Variants in TUBA8 observed in about 807,000 individuals in gnomAD.
TUBA8 encodes the protein tubulin alpha-8 chain.
A neutral mutation model predicts 34.7 loss-of-function variants in TUBA8; 29 were observed. The observed-to-expected ratio is 0.84, with a 90% confidence interval of 0.62 to 1.14. TUBA8 has a LOEUF of 1.14. Among genes scored for constraint, TUBA8 ranks in the 50% most tolerant of loss-of-function variants. The pLI is 0.00. For synonymous variants in TUBA8, 226 were observed against 231.2 expected, an observed-to-expected ratio of 0.98 and a Z score of 0.21; for missense variants, 541 against 599.2, an observed-to-expected ratio of 0.90 and a Z score of 1.01.
chr22:18,129,692 A>G (rs1031494721), intron 4 of TUBA8: 3 of 152,182 alleles, frequency 2.0e-5, no homozygotes, highest in Non-Finnish European at 2.9e-5. Context: ...ATGTTGCCAC[A>G]CAGCTGGCTG....
rs1426557822 is a variant in TUBA8 at position 18,131,219 on chromosome 22, C to A, written c.*83C>A. 6.8e-7 allele frequency: 1 copy of A among 1,462,880 alleles called. No homozygotes were observed. Among genetic ancestry groups the A allele is most frequent in the Non-Finnish European group, 9.5e-7 (1 of 1,054,142 alleles). 90.6% of individuals were successfully genotyped at this position (1,462,880 alleles called of 1,614,324 possible). A position where few individuals can be genotyped will look rare whatever the true frequency, so the allele number is the denominator to read the frequency against. On this transcript the variant is annotated 3_prime_UTR_variant, in exon 5 of 5. Transcript: ENST00000330423. The surrounding 1 kb of genome is among the most constrained non-coding windows in gnomAD (Gnocchi z 5.3). ...TGTTCAAGAGAACAGAACACTCTCC[C>A]CGCCCCAGCCTGATTCCTGCCTTAC...
Position 18,130,866 on chromosome 22 carries a change from G to A in TUBA8, c.1080G>A (p.Pro360=), listed in dbSNP as rs145407514. ...GFKVGINYQP[P]TVVPGGDLAK... ...AGGTGGGCATCAACTACCAGCCCCC[G>A]ACCGTGGTCCCCGGGGGAGACCTGG... Residue 360 remains proline, a synonymous_variant, in exon 5 of 5, where the codon CCG becomes CCA. Coordinates refer to ENST00000330423, the MANE Select transcript of TUBA8 (RefSeq NM_018943.3). 1.2e-3 allele frequency: 1,867 copies of A among 1,613,854 alleles called. 6 individuals are homozygous for A. Among genetic ancestry groups the A allele is most frequent in the Non-Finnish European group, 1.1e-3 (1,300 of 1,179,986 alleles).
chr22:18,123,814 A>C (rs1569199942), intron 2 of TUBA8: 1 of 337,216 alleles, frequency 3.0e-6, no homozygotes, highest in African/African-American at 2.1e-5. Flanking sequence ...AGCTCAGGCA[A>C]TCTGCCCGCC....
At position 18,127,025 on chromosome 22, in the gene TUBA8, A is replaced by G; in HGVS notation, c.1047A>G (p.Thr349=). The G allele has an allele frequency of 6.2e-7, 1 of 1,614,164 alleles. No homozygotes were observed. The highest frequency in any genetic ancestry group is 8.5e-7 in the Non-Finnish European group (1 of 1,180,036). The change falls in exon 4 of 5, where the codon ACA becomes ACG. Residue 349 remains threonine, a synonymous_variant. Coordinates refer to ENST00000330423, the MANE Select transcript of TUBA8 (RefSeq NM_018943.3). ...RTIQFVDWCP[T]GFKVGINYQP... is the part of the protein sequence containing the mutation. ...TCCAGTTTGTAGACTGGTGTCCCAC[A>G]GGCTTCAAGGTGAGAGCTGATGACT...
intron 1 of TUBA8, chr22:18,115,256 C>A (rs1927932724): frequency 6.6e-6 from 1 of 152,436 alleles, no homozygotes; most frequent in Admixed American, 6.5e-5. Flanking sequence ...TCCACCTGAA[C>A]TGCCCCAGAT....
intron 4 of TUBA8, 23 bp from the exon 5 acceptor site, chr22:18,130,820 C>T: frequency 6.2e-7 from 1 of 1,613,164 alleles, no homozygotes; most frequent in East Asian, 2.2e-5. Context: ...TTCTGTGGCT[C>T]CTCCTCTTTC....
chr22:18,126,966 G>A lies in TUBA8; in HGVS notation c.988G>A (p.Val330Ile). ...CGACGTGGTGCCCAAGGATGTGAAT[G>A]TCGCTATTGCTGCCATCAAGACCAA... The part of the protein sequence containing the change: ...RGDVVPKDVN[V>I]AIAAIKTKRT... Residue 330 changes from valine to isoleucine, a missense_variant, in exon 4 of 5, where the codon GTC becomes ATC. By Grantham distance (29) the Val-to-Ile change is conservative. Coordinates refer to ENST00000330423, the MANE Select transcript of TUBA8 (RefSeq NM_018943.3). The surrounding 1 kb of genome is among the most constrained non-coding windows in gnomAD (Gnocchi z 4.0). 1 of 1,613,782 alleles carries A rather than the reference G, an allele frequency of 6.2e-7. No individual in the cohort carries two copies. Among genetic ancestry groups the A allele is most frequent in the Non-Finnish European group, 8.5e-7 (1 of 1,179,822 alleles).
intron 3 of TUBA8, chr22:18,125,914 T>A (rs1928299852): frequency 4.4e-6 from 1 of 227,186 alleles, no homozygotes; most frequent in African/African-American, 2.3e-5. Flanking sequence ...CAAGCCAGAG[T>A]GCAGTGGTGT....
rs1308122436 is a variant in TUBA8, at chr22:18,124,298, G to A, written c.369G>A (p.Arg123=). 2 of 1,613,482 alleles carry A rather than the reference G, an allele frequency of 1.2e-6. No individual in the cohort carries two copies. The highest frequency in any genetic ancestry group is 2.7e-5 in the African/African-American group (2 of 74,744). The change falls in exon 3 of 5, where the codon CGG becomes CGA. Residue 123 remains arginine, a synonymous_variant. Coordinates refer to ENST00000330423, the MANE Select transcript of TUBA8 (RefSeq NM_018943.3). This position sits in a 1 kb window ranked among gnomAD's most constrained non-coding sequence, Gnocchi z 4.3. ...TTGACCTGGTGCTGGACCGCATACG[G>A]AAGCTGGTAAGATCAGGAGGGCAGG... ...ESIDLVLDRI[R]KLTDACSGLQ... is the part of the protein sequence containing the mutation.
rs1928202013 is a variant in TUBA8, at chr22:18,123,109, C to CCAA, written c.227-1046_227-1044dup. 4 of 31,658 alleles carry CCAA rather than the reference C, an allele frequency of 1.3e-4. No homozygotes were observed. In the African/African-American group the frequency reaches 1.4e-3, roughly 11 times the overall value. The allele number at this position is 31,658 out of a possible 1,614,324, so 2.0% of individuals were successfully genotyped here. On this transcript the variant is annotated intron_variant, in intron 2 of 4. Transcript: ENST00000330423. ...TGGGCGACAGAGCGAGACCCCGTCTCCAAAAAAAAAAAAAAAAAAAAAAAA... is the reference window on the plus strand; with the variant it reads ...TGGGCGACAGAGCGAGACCCCGTCTCCAACAAAAAAAAAAAAAAAAAAAAAAAA...
rs577582923 is a variant in TUBA8, at chr22:18,119,997, A to T, written c.4-1482A>T. On this transcript the variant is annotated intron_variant, in intron 1 of 4. Coordinates refer to ENST00000330423, the MANE Select transcript of TUBA8 (RefSeq NM_018943.3). This position sits in a 1 kb window ranked among gnomAD's most constrained non-coding sequence, Gnocchi z 5.9. ...CTGGGCTCAGGCGGCTGCCCCAGGC[A>T]CAGTGTCGCCTTGTGTGGGCCACTG... 5.3e-5 allele frequency: 8 copies of T among 152,334 alleles called. No homozygotes were observed. In the East Asian group the frequency reaches 1.5e-3, roughly 29 times the overall value. The allele number at this position is 152,334 out of a possible 1,614,324, so 9.4% of individuals were successfully genotyped here.
chr22:18,126,048 AT>A lies in TUBA8; in HGVS notation c.376-305del. The A allele has an allele frequency of 2.5e-6, 1 of 397,392 alleles. No individual in the cohort carries two copies. 24.6% of individuals were successfully genotyped at this position (397,392 alleles called of 1,614,324 possible). A position where few individuals can be genotyped will look rare whatever the true frequency, so the allele number is the denominator to read the frequency against. ...AGTTAACTTTTAAAATTTTTTGTAGATGCGAGGTCTCACTATGTTGCCCATG... is the reference window on the plus strand; with the variant it reads ...AGTTAACTTTTAAAATTTTTTGTAGAGCGAGGTCTCACTATGTTGCCCATG... On this transcript the variant is annotated intron_variant, in intron 3 of 4. Transcript: ENST00000330423. This position sits in a 1 kb window ranked among gnomAD's most constrained non-coding sequence, Gnocchi z 4.0.
chr22:18,110,918 A>G lies in TUBA8; in HGVS notation c.3+50A>G. Reference sequence around the variant, plus strand: ...GCTGCGGGCGCGCGGCAGGCGTAGGACCGAGAGCCGAGTCTACGCGGAGGC... The same window carrying G: ...GCTGCGGGCGCGCGGCAGGCGTAGGGCCGAGAGCCGAGTCTACGCGGAGGC... On this transcript the variant is annotated intron_variant, in intron 1 of 4. Transcript: ENST00000330423. This position sits in a 1 kb window ranked among gnomAD's most constrained non-coding sequence, Gnocchi z 6.2. The G allele has an allele frequency of 6.5e-7, 1 of 1,538,472 alleles. No homozygotes were observed.
At position 18,121,988 on chromosome 22, in the gene TUBA8, A is replaced by C; in HGVS notation, c.226+287A>C. On this transcript the variant is annotated intron_variant, in intron 2 of 4. Transcript: ENST00000330423. This position sits in a 1 kb window ranked among gnomAD's most constrained non-coding sequence, Gnocchi z 4.8. ...TCGCTACTAAATACTAAGGATAAGA[A>C]AATCCAAATAATTTTAGAAATTATA... 2 of 406,578 alleles carry C rather than the reference A, an allele frequency of 4.9e-6. No homozygotes were observed. Among genetic ancestry groups the C allele is most frequent in the Non-Finnish European group, 9.0e-6 (2 of 221,606 alleles). The allele number at this position is 406,578 out of a possible 1,614,324, so 25.2% of individuals were successfully genotyped here. A position where few individuals can be genotyped will look rare whatever the true frequency, so the allele number is the denominator to read the frequency against.
Position 18,131,297 on chromosome 22 carries a change from T to A in TUBA8, c.*161T>A. 1 of 710,244 alleles carries A rather than the reference T, an allele frequency of 1.4e-6. No homozygotes were observed. Among genetic ancestry groups the A allele is most frequent in the Non-Finnish European group, 2.4e-6 (1 of 420,548 alleles). 44.0% of individuals were successfully genotyped at this position (710,244 alleles called of 1,614,324 possible). A position where few individuals can be genotyped will look rare whatever the true frequency, so the allele number is the denominator to read the frequency against. On this transcript the variant is annotated 3_prime_UTR_variant, in exon 5 of 5. Coordinates refer to ENST00000330423, the MANE Select transcript of TUBA8 (RefSeq NM_018943.3). This position sits in a 1 kb window ranked among gnomAD's most constrained non-coding sequence, Gnocchi z 5.3. ...CCCAGGGTGGCACGACTGGGCTAAG[T>A]GGACACTGAGCTTCATCAGGCCCTC...
chr22:18,116,535 G>A (rs995908921), intron 1 of TUBA8: 2 of 152,246 alleles, frequency 1.3e-5, no homozygotes, highest in Non-Finnish European at 1.5e-5. Context: ...GGTGATCCAT[G>A]AGGCTGGCCC....
Position 18,130,854 on chromosome 22 carries a change from C to A in TUBA8, c.1068C>A (p.Asn356Lys). Residue 356 changes from asparagine (N) to lysine (K), a missense_variant, in exon 5 of 5, where the codon AAC becomes AAA. By Grantham distance (94) the Asn-to-Lys change is moderately conservative. Transcript: ENST00000330423. ...WCPTGFKVGI[N>K]YQPPTVVPGG... is the part of the protein sequence containing the mutation. The stretch of plus-strand genomic sequence containing the variant: ...TCTGTGTCCCTCAGGTGGGCATCAA[C>A]TACCAGCCCCCGACCGTGGTCCCCG... The A allele has an allele frequency of 6.2e-7, 1 of 1,613,808 alleles. No individual in the cohort carries two copies. Among genetic ancestry groups the A allele is most frequent in the South Asian group, 1.1e-5 (1 of 91,074 alleles).
rs779860153 is a variant in TUBA8, at chr22:18,121,663, C to T, written c.188C>T (p.Pro63Leu). ...GAGACTGGCAATGGGAAGCATGTGC[C>T]CCGGGCCGTCATGATAGATCTGGAG... The part of the protein sequence containing the change: ...FSETGNGKHV[P>L]RAVMIDLEPT... Residue 63 changes from proline (P) to leucine (L), a missense_variant, in exon 2 of 5, where the codon CCC becomes CTC. Coordinates refer to ENST00000330423, the MANE Select transcript of TUBA8 (RefSeq NM_018943.3). The surrounding 1 kb of genome is among the most constrained non-coding windows in gnomAD (Gnocchi z 4.8). 4.3e-6 allele frequency: 7 copies of T among 1,614,078 alleles called. No individual in the cohort carries two copies. The highest frequency in any genetic ancestry group is 5.9e-6 in the Non-Finnish European group (7 of 1,180,048).
intron 4 of TUBA8, chr22:18,129,584 A>C (rs950835885): frequency 3.9e-5 from 6 of 152,060 alleles, no homozygotes; most frequent in African/African-American, 1.4e-4. Flanking sequence ...TCCCTTCCCC[A>C]CTTTGCCCCT....
Sources: allele counts gnomAD v4.1 joint callset, GRCh38; gene constraint gnomAD v4.1.1; non-coding constraint Gnocchi (gnomAD v3.1); transcripts MANE v1.5; gene names NCBI Gene and HGNC (gene_info 2026-07-23, HGNC 2026-07-21).